Variants in PPP3CA observed in about 807,000 individuals in gnomAD.
PPP3CA encodes the protein CAM-PRP catalytic subunit.
In PPP3CA, 14 loss-of-function variants were observed where a neutral mutation model predicts 66.5. The ratio of observed to expected loss-of-function variants is 0.21; its 90% confidence interval spans 0.14 to 0.33. The LOEUF (loss-of-function observed/expected upper bound fraction) is 0.33. Ranked by LOEUF, PPP3CA falls within the 10% of genes least tolerant of loss-of-function variation. The pLI, the probability that PPP3CA is intolerant of heterozygous loss-of-function variation, is 1.00. For missense variants in PPP3CA, 317 were observed against 639.5 expected (o/e 0.50, Z 5.44); for synonymous variants, 232 against 226.2 (o/e 1.03, Z -0.23).
intron 1 of PPP3CA, among the ~76,000 whole-genome samples, chr4:101,215,156 T>C (rs555997578): frequency 3.3e-5 from 5 of 151,852 alleles, no homozygotes; most frequent in South Asian, 2.1e-4. Context: ...ACAATAATAT[T>C]TATAATTAAT....
chr4:101,238,018 C>A (rs1726181356), intron 1 of PPP3CA, among the ~76,000 whole-genome samples: 1 of 151,998 alleles, frequency 6.6e-6, no homozygotes, highest in South Asian at 2.1e-4. Context: ...TCTCTTTAGG[C>A]CCACAGGTGT....
At chr4:101,190,206 A>C (rs981659529) in intron 2 of PPP3CA, among the ~76,000 whole-genome samples, 4 of 152,084 alleles carry the variant, frequency 2.6e-5, no homozygotes, top group Admixed American at 6.6e-5. Context: ...GATAGTATTG[A>C]TTTTAATATA....
At position 101,077,809 on chromosome 4, in the gene PPP3CA, G is replaced by A. The variant is rs947846221; in HGVS notation, c.955+2723C>T. Among the ~76,000 whole-genome samples, 5 of 149,714 alleles carry A rather than the reference G, an allele frequency of 3.3e-5. No homozygotes were observed. In the East Asian group the frequency reaches 9.8e-4, roughly 29 times the overall value. On this transcript the variant is annotated intron_variant, in intron 8 of 13. Coordinates refer to ENST00000394854, the MANE Select transcript of PPP3CA (RefSeq NM_000944.5). ...AGAACTACAAAATCTCAAAGTCAGT[G>A]ATGCACTGGTATCTGTTTTTTTTTT...
intron 1 of PPP3CA, among the ~76,000 whole-genome samples, chr4:101,236,214 T>C (rs367937083): frequency 1.3e-5 from 2 of 151,926 alleles, no homozygotes; most frequent in Admixed American, 6.6e-5. Context: ...AAACTTTAAA[T>C]AGTACGATAA....
Position 101,093,757 on chromosome 4 carries a change from G to T in PPP3CA, c.782+19C>A. On this transcript the variant is annotated intron_variant, in intron 6 of 13. Coordinates refer to ENST00000394854, the MANE Select transcript of PPP3CA (RefSeq NM_000944.5). ...TTATGATGCAAACGTGTTCCAGAGA[G>T]CAAGTTCTCTATTCTTACCTGTAGA... The T allele has an allele frequency of 6.3e-7, 1 of 1,579,606 alleles. No homozygotes were observed. Among genetic ancestry groups the T allele is most frequent in the Non-Finnish European group, 8.6e-7 (1 of 1,162,598 alleles).
At chr4:101,032,234 C>A in intron 12 of PPP3CA, 33 bp downstream of exon 12, 2 of 1,473,744 alleles carry the variant, frequency 1.4e-6, no homozygotes, top group East Asian at 2.4e-5. Flanking sequence ...CTGCGATGCC[C>A]CAGCACACAG....
At chr4:101,228,662 A>G (rs1442699749) in intron 1 of PPP3CA, among the ~76,000 whole-genome samples, 2 of 151,658 alleles carry the variant, frequency 1.3e-5, no homozygotes, top group African/African-American at 2.4e-5. Context: ...TGTGGATTAG[A>G]GGCATGTACT....
At chr4:101,102,413 C>T (rs1730486863) in intron 3 of PPP3CA, among the ~76,000 whole-genome samples, 1 of 152,086 alleles carries the variant, frequency 6.6e-6, no homozygotes, top group Non-Finnish European at 1.5e-5. Context: ...AAAAATAAGT[C>T]TTCTTTTCAC....
chr4:101,092,148 T>G (rs1729982128), intron 6 of PPP3CA, among the ~76,000 whole-genome samples: 1 of 151,928 alleles, frequency 6.6e-6, no homozygotes, highest in Non-Finnish European at 1.5e-5. Flanking sequence ...AATGGGTAAA[T>G]CTCTAGCGAT....
Position 101,216,982 on chromosome 4 carries a change from T to C in PPP3CA, c.59-20866A>G, listed in dbSNP as rs1725476847. On this transcript the variant is annotated intron_variant, in intron 1 of 13. Transcript: ENST00000394854. ...CTAAAGTCACGTTCAAATATGAATATCACAATTCAATGATCGGTGAAAATA... is the reference window on the plus strand; with the variant it reads ...CTAAAGTCACGTTCAAATATGAATACCACAATTCAATGATCGGTGAAAATA... 3.9e-5 allele frequency among the ~76,000 whole-genome samples: 6 copies of C among 152,246 alleles called. No individual in the cohort carries two copies. In the Middle Eastern group the frequency reaches 0.017, roughly 432 times the overall value.
chr4:101,029,041 A>C, intron 13 of PPP3CA, 125 bp downstream of exon 13: 2 of 845,674 alleles, frequency 2.4e-6, no homozygotes, highest in Non-Finnish European at 3.8e-6. Flanking sequence ...ATTTTGGTTA[A>C]TACTGAGCCA....
chr4:101,315,065 T>C (rs536164742), intron 1 of PPP3CA, among the ~76,000 whole-genome samples: 8 of 152,324 alleles, frequency 5.3e-5, no homozygotes, highest in South Asian at 2.1e-4. Flanking sequence ...ATACTCAATC[T>C]GATCGTATTA....
chr4:101,083,029 T>A (rs1401791297), intron 7 of PPP3CA, among the ~76,000 whole-genome samples, 157 bp downstream of exon 7: 1 of 152,182 alleles, frequency 6.6e-6, no homozygotes, highest in Non-Finnish European at 1.5e-5. Context: ...TCCCTAGGAC[T>A]CTGTCATACC....
At position 101,164,718 on chromosome 4, in the gene PPP3CA, C is replaced by T. The variant is rs1464132437; in HGVS notation, c.259+31198G>A. Among the ~76,000 whole-genome samples the T allele has an allele frequency of 2.6e-5, 4 of 151,966 alleles. No homozygotes were observed. In the East Asian group the frequency reaches 7.7e-4, roughly 29 times the overall value. On this transcript the variant is annotated intron_variant, in intron 2 of 13. Transcript: ENST00000394854. ...TGGATTTCATGGACCAGTAAAATATCCCCCACAGCAGAGAGAGGGCAGTGA... is the reference window on the plus strand; with the variant it reads ...TGGATTTCATGGACCAGTAAAATATTCCCCACAGCAGAGAGAGGGCAGTGA...
chr4:101,200,573 T>C (rs543812540), intron 1 of PPP3CA, among the ~76,000 whole-genome samples: 26 of 152,288 alleles, frequency 1.7e-4, no homozygotes, highest in Admixed American at 3.3e-4. Context: ...ATATTTAGCC[T>C]AGTGATCTTT....
intron 1 of PPP3CA, among the ~76,000 whole-genome samples, chr4:101,306,084 A>G (rs1466350441): frequency 2.0e-5 from 3 of 152,164 alleles, no homozygotes; most frequent in Non-Finnish European, 4.4e-5. Flanking sequence ...GCAGTCCACC[A>G]CAAATACAAG....
intron 2 of PPP3CA, among the ~76,000 whole-genome samples, chr4:101,113,462 T>C (rs373036282): frequency 6.6e-6 from 1 of 152,138 alleles, no homozygotes; most frequent in East Asian, 1.9e-4. Flanking sequence ...TCTAGGTTGC[T>C]GTGAGATTAG....
intron 1 of PPP3CA, among the ~76,000 whole-genome samples, chr4:101,204,384 C>T (rs1289433953): frequency 2.0e-5 from 3 of 151,980 alleles, no homozygotes; most frequent in African/African-American, 4.8e-5. Flanking sequence ...CGCCTGTAAT[C>T]CCAGCACTTT....
rs190103820 is a variant in PPP3CA, at chr4:101,055,419, G to A, written c.1156+5668C>T. On this transcript the variant is annotated intron_variant, in intron 10 of 13. Transcript: ENST00000394854. ...AAACCAGACTATCATTTTAACATTC[G>A]AAATAAGAAGTGGAAACAGGAAACA... 7.2e-5 allele frequency among the ~76,000 whole-genome samples: 11 copies of A among 152,056 alleles called. No homozygotes were observed. The East Asian group carries it at 1.3e-3, about 19-fold the overall frequency.
Sources: allele counts gnomAD v4.1 joint callset (sites outside exome capture counted in the v4.1 genomes callset), GRCh38; gene constraint gnomAD v4.1.1; transcripts MANE v1.5; gene names NCBI Gene and HGNC (gene_info 2026-07-23, HGNC 2026-07-21).